RBM15B: variants seen among roughly 807,000 people sequenced by gnomAD.
RBM15B encodes the protein RNA binding motif protein 15B.
A neutral mutation model predicts 53.3 loss-of-function variants in RBM15B; 11 were observed. That is an observed-to-expected ratio of 0.21 (90% confidence interval 0.13 to 0.34). The LOEUF (loss-of-function observed/expected upper bound fraction) is 0.34. Among genes scored for constraint, RBM15B ranks in the 10% least tolerant of loss-of-function variants. The pLI, the probability that RBM15B is intolerant of heterozygous loss-of-function variation, is 1.00. For synonymous variants in RBM15B, 631 were observed against 540.7 expected (o/e 1.17, Z -2.32); for missense variants, 1,136 against 1,250.3 (o/e 0.91, Z 1.38).
chr3:51,393,415 T>A lies in RBM15B; in HGVS notation c.2016T>A (p.Ala672=), dbSNP rs2089074570. The change falls in exon 1 of 1, where the codon GCT becomes GCA. Residue 672 remains alanine, a synonymous_variant. Transcript: ENST00000563281. The surrounding 1 kb of genome is among the most constrained non-coding windows in gnomAD (Gnocchi z 5.6). ...ERGHHHHHHE[A]ADSSHGKKAR... is the part of the protein sequence containing the mutation. Reference sequence around the variant, plus strand: ...GCCACCACCACCACCACCACGAGGCTGCAGACTCTTCCCACGGGAAGAAGG... The same window carrying A: ...GCCACCACCACCACCACCACGAGGCAGCAGACTCTTCCCACGGGAAGAAGG... 2.5e-6 allele frequency: 4 copies of A among 1,613,696 alleles called. No homozygotes were observed. The highest frequency in any genetic ancestry group is 3.4e-6 in the Non-Finnish European group (4 of 1,179,930).
rs1359209355 is a variant in RBM15B, at chr3:51,392,954, C to G, written c.1555C>G (p.Arg519Gly). ...TGAGCTGCTCACAGATGGATACACC[C>G]GGCACCGCAACCTGGACGCCGACCT... ...HYELLTDGYT[R>G]HRNLDADLVR... The change falls in exon 1 of 1, where the codon CGG becomes GGG. Residue 519 changes from arginine to glycine, a missense_variant. Physicochemically the swap from Arg to Gly is moderately radical, Grantham distance 125 (BLOSUM62 -2). Around this residue, in one of 7 missense-constraint regions of RBM15B, gnomAD observed 578 missense variants for 581.6 expected, o/e 0.99. Transcript: ENST00000563281. This position sits in a 1 kb window ranked among gnomAD's most constrained non-coding sequence, Gnocchi z 7.5. 2 of 1,613,662 alleles carry G rather than the reference C, an allele frequency of 1.2e-6. No homozygotes were observed. Among genetic ancestry groups the G allele is most frequent in the Admixed American group, 1.7e-5 (1 of 60,000 alleles).
rs1268653219 is a variant in RBM15B, at chr3:51,396,074, G to A, written c.*2002G>A. 7.3e-6 allele frequency: 3 copies of A among 411,444 alleles called. No homozygotes were observed. Among genetic ancestry groups the A allele is most frequent in the East Asian group, 3.6e-5 (1 of 28,048 alleles). The allele number at this position is 411,444 out of a possible 1,614,324, so 25.5% of individuals were successfully genotyped here. Reference sequence around the variant, plus strand: ...TCCTGCAGCTCTCCAACAAACGCCTGAGTCACAGGCCAGAGCTGCCTTGGT... The same window carrying A: ...TCCTGCAGCTCTCCAACAAACGCCTAAGTCACAGGCCAGAGCTGCCTTGGT... On this transcript the variant is annotated 3_prime_UTR_variant, in exon 1 of 1. Coordinates refer to ENST00000563281, the MANE Select transcript of RBM15B (RefSeq NM_013286.5).
chr3:51,396,925 C>A lies in RBM15B; in HGVS notation c.*2853C>A, dbSNP rs1553623177. ...GGTTAAGTGTTTACTACCATTAAAGCGAGGCATGAAGCAAAGAGCTGAGTG... is the reference window on the plus strand; with the variant it reads ...GGTTAAGTGTTTACTACCATTAAAGAGAGGCATGAAGCAAAGAGCTGAGTG... On this transcript the variant is annotated 3_prime_UTR_variant, in exon 1 of 1. Transcript: ENST00000563281. The A allele has an allele frequency of 6.0e-6, 1 of 166,884 alleles. No individual in the cohort carries two copies. The highest frequency in any genetic ancestry group is 1.5e-5 in the Non-Finnish European group (1 of 68,126). The allele number at this position is 166,884 out of a possible 1,614,324, so 10.3% of individuals were successfully genotyped here. A position where few individuals can be genotyped will look rare whatever the true frequency, so the allele number is the denominator to read the frequency against.
rs1266358507 is a variant in RBM15B at position 51,395,666 on chromosome 3, G to C, written c.*1594G>C. 5 of 411,386 alleles carry C rather than the reference G, an allele frequency of 1.2e-5. No homozygotes were observed. The highest frequency in any genetic ancestry group is 8.9e-6 in the Non-Finnish European group (2 of 225,456). The allele number at this position is 411,386 out of a possible 1,614,324, so 25.5% of individuals were successfully genotyped here. On this transcript the variant is annotated 3_prime_UTR_variant, in exon 1 of 1. Transcript: ENST00000563281. Reference sequence around the variant, plus strand: ...TGCTGGCCGTGGCATCCTCTCTCCAGGTCTGCTCCCTTACCGGAGCTAGGA... The same window carrying C: ...TGCTGGCCGTGGCATCCTCTCTCCACGTCTGCTCCCTTACCGGAGCTAGGA...
In RBM15B at chr3:51,392,948, T is replaced by A. The variant is rs782249576; in HGVS notation, c.1549T>A (p.Tyr517Asn). ...GCATTATGAGCTGCTCACAGATGGA[T>A]ACACCCGGCACCGCAACCTGGACGC... ...PVHYELLTDG[Y>N]TRHRNLDADL... is the part of the protein sequence containing the mutation. The change falls in exon 1 of 1, where the codon TAC (tyrosine) becomes AAC (asparagine). Residue 517 changes from tyrosine to asparagine, a missense_variant. Transcript: ENST00000563281. This position sits in a 1 kb window ranked among gnomAD's most constrained non-coding sequence, Gnocchi z 7.5. 1 of 1,613,674 alleles carries A rather than the reference T, an allele frequency of 6.2e-7. No individual in the cohort carries two copies. The highest frequency in any genetic ancestry group is 2.2e-5 in the East Asian group (1 of 44,868).
Position 51,391,393 on chromosome 3 carries a change from C to T in RBM15B, c.-7C>T. 8.1e-7 allele frequency: 1 copy of T among 1,227,258 alleles called. No individual in the cohort carries two copies. 76.0% of individuals were successfully genotyped at this position (1,227,258 alleles called of 1,614,324 possible). A position where few individuals can be genotyped will look rare whatever the true frequency, so the allele number is the denominator to read the frequency against. ...CCTACGGGCCGCCCGCCCGCCGCGC[C>T]AGCGCCATGAAGCGGCAGAGCGAGC... On this transcript the variant is annotated 5_prime_UTR_variant, in exon 1 of 1. Transcript: ENST00000563281. This position sits in a 1 kb window ranked among gnomAD's most constrained non-coding sequence, Gnocchi z 4.5.
rs2089035311 is a variant in RBM15B, at chr3:51,391,482, G to A, written c.83G>A (p.Arg28Gln). ...GCCAAGCGTCCGCGGGAGCGCGAACGGGAGGCGGAGGCGGGCGGGCGGCGG... is the reference window on the plus strand; with the variant it reads ...GCCAAGCGTCCGCGGGAGCGCGAACAGGAGGCGGAGGCGGGCGGGCGGCGG... The part of the protein sequence containing the change: ...SSAKRPRERE[R>Q]EAEAGGRRAA... The change falls in exon 1 of 1, where the codon CGG becomes CAG. Residue 28 changes from arginine (R) to glutamine (Q), a missense_variant. This residue lies in a region of RBM15B where 257 missense variants were observed against 261.1 expected (regional missense o/e 0.98). Coordinates refer to ENST00000563281, the MANE Select transcript of RBM15B (RefSeq NM_013286.5). This position sits in a 1 kb window ranked among gnomAD's most constrained non-coding sequence, Gnocchi z 4.5. The A allele has an allele frequency of 8.1e-7, 1 of 1,236,634 alleles. No individual in the cohort carries two copies. Among genetic ancestry groups the A allele is most frequent in the Non-Finnish European group, 1.0e-6 (1 of 989,194 alleles). 76.6% of individuals were successfully genotyped at this position (1,236,634 alleles called of 1,614,324 possible).
chr3:51,395,755 A>C lies in RBM15B; in HGVS notation c.*1683A>C, dbSNP rs1553622659. On this transcript the variant is annotated 3_prime_UTR_variant, in exon 1 of 1. Coordinates refer to ENST00000563281, the MANE Select transcript of RBM15B (RefSeq NM_013286.5). Reference sequence around the variant, plus strand: ...GCTCACTGCAGGCTGTGGAGAGGTCATGCTGGTCCACAGGAACACTTGGCA... The same window carrying C: ...GCTCACTGCAGGCTGTGGAGAGGTCCTGCTGGTCCACAGGAACACTTGGCA... 4.8e-6 allele frequency: 2 copies of C among 413,368 alleles called. No individual in the cohort carries two copies. Among genetic ancestry groups the C allele is most frequent in the African/African-American group, 4.1e-5 (2 of 48,628 alleles). 25.6% of individuals were successfully genotyped at this position (413,368 alleles called of 1,614,324 possible).
At position 51,393,148 on chromosome 3, in the gene RBM15B, C is replaced by T. The variant is rs202137093; in HGVS notation, c.1749C>T (p.Asp583=). The change falls in exon 1 of 1, where the codon GAC becomes GAT. Residue 583 remains aspartate (D), a synonymous_variant. Coordinates refer to ENST00000563281, the MANE Select transcript of RBM15B (RefSeq NM_013286.5). The surrounding 1 kb of genome is among the most constrained non-coding windows in gnomAD (Gnocchi z 5.6). The stretch of plus-strand genomic sequence containing the variant: ...GTGAGCGTTGGGGGGCAGATGGAGA[C>T]CGTGGTTTGCCCAAGCCCTGGGAAG... The part of the protein sequence containing the change: ...RSGERWGADG[D]RGLPKPWEER... 45 of 1,613,990 alleles carry T rather than the reference C, an allele frequency of 2.8e-5. No homozygotes were observed. The Admixed American group carries it at 7.3e-4, about 26-fold the overall frequency.
rs2089135416 is a variant in RBM15B, at chr3:51,395,273, T to C, written c.*1201T>C. 6.0e-6 allele frequency: 1 copy of C among 167,084 alleles called. No individual in the cohort carries two copies. Among genetic ancestry groups the C allele is most frequent in the South Asian group, 2.1e-4 (1 of 4,838 alleles). The allele number at this position is 167,084 out of a possible 1,614,324, so 10.4% of individuals were successfully genotyped here. A position where few individuals can be genotyped will look rare whatever the true frequency, so the allele number is the denominator to read the frequency against. On this transcript the variant is annotated 3_prime_UTR_variant, in exon 1 of 1. Transcript: ENST00000563281. ...GTGGAGACCATTGGGAAATAATTAATAGATATTTTTCTGGGGGGAAATCAC... is the reference window on the plus strand; with the variant it reads ...GTGGAGACCATTGGGAAATAATTAACAGATATTTTTCTGGGGGGAAATCAC...
At position 51,393,016 on chromosome 3, in the gene RBM15B, A is replaced by G. The variant is rs782623418; in HGVS notation, c.1617A>G (p.Ser539=). 5.2e-5 allele frequency: 84 copies of G among 1,613,700 alleles called. No homozygotes were observed. Among genetic ancestry groups the G allele is most frequent in the Non-Finnish European group, 6.9e-5 (82 of 1,180,016 alleles). Residue 539 remains serine (S), a synonymous_variant, in exon 1 of 1, where the codon TCA becomes TCG. Transcript: ENST00000563281. The surrounding 1 kb of genome is among the most constrained non-coding windows in gnomAD (Gnocchi z 5.6). Reference sequence around the variant, plus strand: ...GGACGCCCCCACACCTTCTGTACTCAGACCGAGACCGGACTTTTTTGGAAG... The same window carrying G: ...GGACGCCCCCACACCTTCTGTACTCGGACCGAGACCGGACTTTTTTGGAAG... ...RDRTPPHLLY[S]DRDRTFLEGD... is the part of the protein sequence containing the mutation.
rs782327045 is a variant in RBM15B at position 51,394,275 on chromosome 3, A to C, written c.*203A>C. 3 of 665,234 alleles carry C rather than the reference A, an allele frequency of 4.5e-6. No homozygotes were observed. Among genetic ancestry groups the C allele is most frequent in the Non-Finnish European group, 6.5e-6 (3 of 459,944 alleles). 41.2% of individuals were successfully genotyped at this position (665,234 alleles called of 1,614,324 possible). A position where few individuals can be genotyped will look rare whatever the true frequency, so the allele number is the denominator to read the frequency against. On this transcript the variant is annotated 3_prime_UTR_variant, in exon 1 of 1. Coordinates refer to ENST00000563281, the MANE Select transcript of RBM15B (RefSeq NM_013286.5). ...TTTTTTTTTTAAACGATGAGAAGGG[A>C]ATCCGGTTATGTTGATTTCTAGTGT...
rs2089107166 is a variant in RBM15B, at chr3:51,394,510, C to T, written c.*438C>T. ...TCCAGCACCACTGCTGCATGGGTCACTCTCGGCCTCTCAATTCTTCAGGCT... is the reference window on the plus strand; with the variant it reads ...TCCAGCACCACTGCTGCATGGGTCATTCTCGGCCTCTCAATTCTTCAGGCT... On this transcript the variant is annotated 3_prime_UTR_variant, in exon 1 of 1. Transcript: ENST00000563281. 1 of 168,000 alleles carries T rather than the reference C, an allele frequency of 6.0e-6. No individual in the cohort carries two copies. The highest frequency in any genetic ancestry group is 1.5e-5 in the Non-Finnish European group (1 of 68,798). The allele number at this position is 168,000 out of a possible 1,614,324, so 10.4% of individuals were successfully genotyped here. A position where few individuals can be genotyped will look rare whatever the true frequency, so the allele number is the denominator to read the frequency against.
Position 51,393,781 on chromosome 3 carries a change from C to T in RBM15B, c.2382C>T (p.Leu794=). 6.2e-7 allele frequency: 1 copy of T among 1,613,832 alleles called. No individual in the cohort carries two copies. The highest frequency in any genetic ancestry group is 8.5e-7 in the Non-Finnish European group (1 of 1,180,030). ...KQGSPNGYAV[L]LATQATPSGL... is the part of the protein sequence containing the mutation. ...GGAGCCCCAACGGCTATGCGGTCCT[C>T]TTAGCCACCCAGGCAACCCCCAGTG... Residue 794 remains leucine, a synonymous_variant, in exon 1 of 1, where the codon CTC becomes CTT. Transcript: ENST00000563281. This position sits in a 1 kb window ranked among gnomAD's most constrained non-coding sequence, Gnocchi z 5.6.
Position 51,395,593 on chromosome 3 carries a change from T to G in RBM15B, c.*1521T>G, listed in dbSNP as rs1343078652. On this transcript the variant is annotated 3_prime_UTR_variant, in exon 1 of 1. Coordinates refer to ENST00000563281, the MANE Select transcript of RBM15B (RefSeq NM_013286.5). ...TGTCAGGGCTGAGGAGAACAGAAGC[T>G]CTGGTAAGCGAATGAGCCCCTAGAT... 5.0e-6 allele frequency: 2 copies of G among 401,826 alleles called. No individual in the cohort carries two copies. Among genetic ancestry groups the G allele is most frequent in the Non-Finnish European group, 9.1e-6 (2 of 219,500 alleles). 24.9% of individuals were successfully genotyped at this position (401,826 alleles called of 1,614,324 possible).
rs1553621525 is a variant in RBM15B, at chr3:51,391,606, C to T, written c.207C>T (p.Asp69=). 2.5e-6 allele frequency: 3 copies of T among 1,180,246 alleles called. No homozygotes were observed. The highest frequency in any genetic ancestry group is 3.2e-5 in the African/African-American group (2 of 62,110). The allele number at this position is 1,180,246 out of a possible 1,614,324, so 73.1% of individuals were successfully genotyped here. The change falls in exon 1 of 1, where the codon GAC becomes GAT. Residue 69 remains aspartate (D), a synonymous_variant. Transcript: ENST00000563281. This position sits in a 1 kb window ranked among gnomAD's most constrained non-coding sequence, Gnocchi z 4.5. Reference sequence around the variant, plus strand: ...GAAGCGGCGGGGGCGGGCATCGCGACGGCCGCGGCACCGGGGACGCGAATC... The same window carrying T: ...GAAGCGGCGGGGGCGGGCATCGCGATGGCCGCGGCACCGGGGACGCGAATC... ...GSGSGGGGHR[D]GRGTGDANHR...
In RBM15B at chr3:51,391,571, CGCGGCA is replaced by C; in HGVS notation, c.177_182del (p.Ser62_Gly63del). On this transcript the variant is annotated inframe_deletion, in exon 1 of 1. Transcript: ENST00000563281. The surrounding 1 kb of genome is among the most constrained non-coding windows in gnomAD (Gnocchi z 4.5). ...TCCAGCGCGGGCCCGCGACAAACCC[CGCGGCA>C]GCGGAAGCGGCGGGGGCGGGCATCG... The C allele has an allele frequency of 8.5e-7, 1 of 1,179,710 alleles. No homozygotes were observed. The highest frequency in any genetic ancestry group is 1.0e-6 in the Non-Finnish European group (1 of 954,896). The allele number at this position is 1,179,710 out of a possible 1,614,324, so 73.1% of individuals were successfully genotyped here. A position where few individuals can be genotyped will look rare whatever the true frequency, so the allele number is the denominator to read the frequency against.
In RBM15B at chr3:51,393,235, G is replaced by A. The variant is rs2089070136; in HGVS notation, c.1836G>A (p.Glu612=). The change falls in exon 1 of 1, where the codon GAG becomes GAA. Residue 612 remains glutamate, a synonymous_variant. Transcript: ENST00000563281. The surrounding 1 kb of genome is among the most constrained non-coding windows in gnomAD (Gnocchi z 5.6). ...GGAGGACAACCCATTCACCATATGAGGAACGGAGTAGGACCAAGGGCAGTG... is the reference window on the plus strand; with the variant it reads ...GGAGGACAACCCATTCACCATATGAAGAACGGAGTAGGACCAAGGGCAGTG... ...DRGRTTHSPY[E]ERSRTKGSGQ... 1.9e-6 allele frequency: 3 copies of A among 1,613,834 alleles called. No individual in the cohort carries two copies. Among genetic ancestry groups the A allele is most frequent in the Non-Finnish European group, 8.5e-7 (1 of 1,179,850 alleles).
chr3:51,395,420 T>G lies in RBM15B; in HGVS notation c.*1348T>G, dbSNP rs1159072479. ...CTGGGAAGAAGGGTGAGATTCCGTC[T>G]TCTTCCCTGTCTCAAGTAAGTAAGG... is the stretch of plus-strand genomic sequence containing the variant. On this transcript the variant is annotated 3_prime_UTR_variant, in exon 1 of 1. Coordinates refer to ENST00000563281, the MANE Select transcript of RBM15B (RefSeq NM_013286.5). 6.0e-5 allele frequency: 11 copies of G among 183,836 alleles called. No individual in the cohort carries two copies. The highest frequency in any genetic ancestry group is 2.0e-4 in the South Asian group (1 of 4,972). 11.4% of individuals were successfully genotyped at this position (183,836 alleles called of 1,614,324 possible).
Sources: allele counts gnomAD v4.1 joint callset, GRCh38; gene constraint gnomAD v4.1.1; regional missense constraint gnomAD v4.1.1; non-coding constraint Gnocchi (gnomAD v3.1); transcripts MANE v1.5; gene names NCBI Gene and HGNC (gene_info 2026-07-23, HGNC 2026-07-21).